Variants in NAALADL2 observed in about 807,000 individuals in gnomAD.
NAALADL2 encodes N-acetylated alpha-linked acidic dipeptidase like 2.
In NAALADL2, 76 loss-of-function variants were observed where a neutral mutation model predicts 87.2. The ratio of observed to expected loss-of-function variants is 0.87; its 90% confidence interval spans 0.72 to 1.05. The LOEUF (loss-of-function observed/expected upper bound fraction) is 1.05. Among genes scored for constraint, NAALADL2 ranks in the 50% least tolerant of loss-of-function variants. NAALADL2 has a pLI of 0.00. For missense variants in NAALADL2, 1,089 were observed against 945.8 expected (o/e 1.15, Z -1.99); for synonymous variants, 354 against 331.0 (o/e 1.07, Z -0.75).
intron 2 of NAALADL2, among the ~76,000 whole-genome samples, chr3:174,709,611 C>G (rs1255965962): frequency 6.6e-6 from 1 of 152,056 alleles, no homozygotes; most frequent in Non-Finnish European, 1.5e-5. Flanking sequence ...TTCTACAAAT[C>G]ATCTTTCATA....
intron 5 of NAALADL2, among the ~76,000 whole-genome samples, chr3:175,375,985 A>G (rs1767076015): frequency 6.6e-6 from 1 of 152,088 alleles, no homozygotes; most frequent in Non-Finnish European, 1.5e-5. Flanking sequence ...TCAGTCTACA[A>G]ATAAGTTGTT....
At chr3:175,564,631 A>G (rs2149523737) in intron 9 of NAALADL2, among the ~76,000 whole-genome samples, 1 of 152,342 alleles carries the variant, frequency 6.6e-6, no homozygotes, top group Non-Finnish European at 1.5e-5. Flanking sequence ...CTCAGCATGG[A>G]ACAGCATTGT....
chr3:174,827,729 C>T (rs1239136219), intron 3 of NAALADL2, among the ~76,000 whole-genome samples: 1 of 152,190 alleles, frequency 6.6e-6, no homozygotes, highest in East Asian at 1.9e-4. Context: ...TCGACAAATA[C>T]TTTAAAATCT....
At chr3:175,783,272 A>T (rs1285551785) in intron 13 of NAALADL2, among the ~76,000 whole-genome samples, 1 of 152,082 alleles carries the variant, frequency 6.6e-6, no homozygotes, top group Non-Finnish European at 1.5e-5. Flanking sequence ...TGGGGATGGC[A>T]TTGAATCTGT....
intron 1 of NAALADL2, among the ~76,000 whole-genome samples, chr3:174,943,558 A>C (rs28817609): frequency 0.041 from 6,281 of 152,224 alleles, 440 homozygotes; most frequent in African/African-American, 0.14. Flanking sequence ...TCCTTCCCCA[A>C]CTTTGTGGCA....
intron 4 of NAALADL2, among the ~76,000 whole-genome samples, chr3:175,271,781 T>C (rs949478038): frequency 6.6e-6 from 1 of 152,084 alleles, no homozygotes; most frequent in Non-Finnish European, 1.5e-5. Flanking sequence ...GGTGACAGAG[T>C]GAGACTTCGT....
chr3:175,181,842 A>G lies in NAALADL2; in HGVS notation c.546-52089A>G, dbSNP rs571225948. Among the ~76,000 whole-genome samples the G allele has an allele frequency of 2.2e-4, 33 of 151,104 alleles. No homozygotes were observed. In the South Asian group the frequency reaches 6.1e-3, roughly 28 times the overall value. Reference sequence around the variant, plus strand: ...ATTCACTATTGTGAATAATGCTACAATGACATGAACATGAACATGAAAATG... The same window carrying G: ...ATTCACTATTGTGAATAATGCTACAGTGACATGAACATGAACATGAAAATG... On this transcript the variant is annotated intron_variant, in intron 2 of 13. Transcript: ENST00000454872.
intron 1 of NAALADL2, among the ~76,000 whole-genome samples, chr3:174,501,056 T>A (rs1342429284): frequency 1.3e-5 from 2 of 149,796 alleles, no homozygotes; most frequent in Non-Finnish European, 3.0e-5. Context: ...TACATTTACT[T>A]ACATAGGCAT....
chr3:174,501,422 A>G (rs879813983), intron 1 of NAALADL2, among the ~76,000 whole-genome samples: 2 of 152,128 alleles, frequency 1.3e-5, no homozygotes, highest in Non-Finnish European at 2.9e-5. Context: ...TGCTGGCCAC[A>G]TAGAATGTTG....
intron 5 of NAALADL2, among the ~76,000 whole-genome samples, chr3:175,347,565 C>G (rs1435198883): frequency 6.6e-6 from 1 of 151,832 alleles, no homozygotes; most frequent in Non-Finnish European, 1.5e-5. Flanking sequence ...GATAAATAAC[C>G]CCGTCACCAC....
intron 2 of NAALADL2, among the ~76,000 whole-genome samples, chr3:174,642,376 C>T (rs908425681): frequency 1.3e-5 from 2 of 151,766 alleles, no homozygotes; most frequent in African/African-American, 4.8e-5. Flanking sequence ...TGGTACATGC[C>T]TGTAATCCCA....
chr3:174,534,940 A>G (rs1304363556), intron 1 of NAALADL2, among the ~76,000 whole-genome samples: 1 of 152,200 alleles, frequency 6.6e-6, no homozygotes, highest in Non-Finnish European at 1.5e-5. Flanking sequence ...AATGTTAAAA[A>G]ATATATTGAT....
At chr3:175,421,040 CT>C (rs1276018582) in intron 5 of NAALADL2, among the ~76,000 whole-genome samples, 15 of 151,968 alleles carry the variant, frequency 9.9e-5, no homozygotes, top group Admixed American at 2.6e-4. Flanking sequence ...ATATATCGTG[CT>C]TTTTTTCTTG....
At position 174,878,595 on chromosome 3, in the gene NAALADL2, A is replaced by G. The variant is rs554527419; in HGVS notation, c.43+19145A>G. Reference sequence around the variant, plus strand: ...TCTATGATTGTTGTTTAATCCATTTATGGAGATGAAATGATTCTAAATCCC... The same window carrying G: ...TCTATGATTGTTGTTTAATCCATTTGTGGAGATGAAATGATTCTAAATCCC... On this transcript the variant is annotated intron_variant, in intron 1 of 13. Transcript: ENST00000454872. Among the ~76,000 whole-genome samples, 8 of 152,172 alleles carry G rather than the reference A, an allele frequency of 5.3e-5. No individual in the cohort carries two copies. In the South Asian group the frequency reaches 1.4e-3, roughly 28 times the overall value.
intron 11 of NAALADL2, among the ~76,000 whole-genome samples, chr3:175,690,090 T>C (rs1371233329): frequency 1.3e-5 from 2 of 152,108 alleles, no homozygotes; most frequent in African/African-American, 4.8e-5. Context: ...ATATATTGAC[T>C]ATATAAATAT....
chr3:175,371,038 G>C (rs1387434290), intron 5 of NAALADL2, among the ~76,000 whole-genome samples: 12 of 152,076 alleles, frequency 7.9e-5, no homozygotes, highest in Non-Finnish European at 1.8e-4. Context: ...TGCCGTTATA[G>C]GATGAAGGGT....
rs1427290197 is a variant in NAALADL2, at chr3:175,301,458, A to C, written c.940-22717A>C. ...AAATACATAAATACTGCAAAAACGC[A>C]TGTAGCTGTCTTTTCTGTTTTGCAT... On this transcript the variant is annotated intron_variant, in intron 4 of 13. Coordinates refer to ENST00000454872, the MANE Select transcript of NAALADL2 (RefSeq NM_207015.3). 3.3e-5 allele frequency among the ~76,000 whole-genome samples: 5 copies of C among 152,208 alleles called. No individual in the cohort carries two copies. In the East Asian group the frequency reaches 7.7e-4, roughly 23 times the overall value.
intron 5 of NAALADL2, among the ~76,000 whole-genome samples, chr3:175,401,106 G>T (rs1560494004): frequency 6.6e-6 from 1 of 152,100 alleles, no homozygotes; most frequent in Non-Finnish European, 1.5e-5. Flanking sequence ...GGTCAAAACA[G>T]GTACAGGTAC....
chr3:175,653,388 C>T (rs547545102), intron 11 of NAALADL2, among the ~76,000 whole-genome samples: 43 of 152,280 alleles, frequency 2.8e-4, no homozygotes, highest in African/African-American at 9.6e-4. Context: ...AACCCTACTG[C>T]TAGATTTTCT....
Sources: allele counts gnomAD v4.1 joint callset (sites outside exome capture counted in the v4.1 genomes callset), GRCh38; gene constraint gnomAD v4.1.1; transcripts MANE v1.5; gene names NCBI Gene and HGNC (gene_info 2026-07-23, HGNC 2026-07-21).